Variants in MOK observed in about 807,000 individuals in gnomAD.
MOK encodes MAPK/MAK/MRK overlapping kinase.
Under a neutral mutation model 54.2 loss-of-function variants are expected in MOK, and 59 were observed. The observed-to-expected ratio is 1.09, with a 90% CI of 0.88 to 1.35. The LOEUF (loss-of-function observed/expected upper bound fraction) is 1.35. MOK is among the 40% of genes most tolerant of loss of function. The pLI is 0.00. For synonymous variants in MOK, 210 were observed against 202.7 expected (o/e 1.04, Z -0.31); for missense variants, 517 against 526.2 (o/e 0.98, Z 0.17).
intron 7 of MOK, among the ~76,000 whole-genome samples, chr14:102,244,474 C>A (rs1481686616): frequency 2.0e-5 from 3 of 152,204 alleles, no homozygotes; most frequent in Non-Finnish European, 4.4e-5. Flanking sequence ...TCCTTTCCAT[C>A]ATGGAAATCT....
At chr14:102,216,866 G>C in the MOK span, among the ~76,000 whole-genome samples, 1 of 152,210 alleles carries the variant, frequency 6.6e-6, no homozygotes, top group Non-Finnish European at 1.5e-5. Flanking sequence ...CCAGGAGGTG[G>C]AGGTTGCAAT....
chr14:102,261,040 G>A (rs962124953), intron 4 of MOK, among the ~76,000 whole-genome samples: 6 of 151,934 alleles, frequency 3.9e-5, no homozygotes, highest in Non-Finnish European at 5.9e-5. Flanking sequence ...GGCAGATCAC[G>A]ACGTCAAGAG....
chr14:102,274,209 G>A (rs910872180), intron 2 of MOK, among the ~76,000 whole-genome samples: 14 of 150,478 alleles, frequency 9.3e-5, no homozygotes, highest in African/African-American at 2.2e-4. Flanking sequence ...TGCCCGCCTC[G>A]GCCTCCCAAA....
At chr14:102,282,069 A>G (rs2069500193) in intron 2 of MOK, among the ~76,000 whole-genome samples, 1 of 152,180 alleles carries the variant, frequency 6.6e-6, no homozygotes, top group Admixed American at 6.5e-5. Context: ...ATCCTCATAT[A>G]TGAAACAAGG....
intron 4 of MOK, among the ~76,000 whole-genome samples, chr14:102,257,065 A>G (rs546707989): frequency 7.9e-5 from 12 of 151,254 alleles, no homozygotes; most frequent in Non-Finnish European, 1.5e-4. Context: ...GCACACCCGC[A>G]GATTGGCTTG....
intron 2 of MOK, among the ~76,000 whole-genome samples, chr14:102,270,736 CAGCCCTATTTAATAAAAT>C (rs1432284113): frequency 1.1e-4 from 17 of 152,098 alleles, no homozygotes; most frequent in South Asian, 2.1e-4. Flanking sequence ...GAAATTGAAA[CAGCCCTATTTAATAAAAT>C]AGCCCTATTT....
intron 4 of MOK, 120 bp from the exon 5 acceptor site, chr14:102,252,115 T>A (rs2066579521): frequency 1.5e-6 from 1 of 651,924 alleles, no homozygotes; most frequent in African/African-American, 1.8e-5. Flanking sequence ...CTGTAAAAAA[T>A]AATCTGAAGT....
At chr14:102,251,445 T>C (rs2066520553) in intron 6 of MOK, 4 of 462,936 alleles carry the variant, frequency 8.6e-6, no homozygotes, top group Non-Finnish European at 1.6e-5. Flanking sequence ...GAGACGGACC[T>C]GAGCTCAAAT....
At chr14:102,229,866 A>C (rs1035686869) in intron 10 of MOK, 9 of 575,068 alleles carry the variant, frequency 1.6e-5, no homozygotes, top group African/African-American at 1.5e-4. Flanking sequence ...CTTCAGGGGG[A>C]ACCTGAAGAA....
At chr14:102,293,772 T>A (rs1301225746) in intron 1 of MOK, among the ~76,000 whole-genome samples, 1 of 150,768 alleles carries the variant, frequency 6.6e-6, no homozygotes, top group African/African-American at 2.4e-5. Flanking sequence ...AAATATGTAA[T>A]TTTTTTAATG....
At chr14:102,291,968 AAACT>A (rs2070804487) in intron 1 of MOK, among the ~76,000 whole-genome samples, 1 of 151,658 alleles carries the variant, frequency 6.6e-6, no homozygotes, top group Admixed American at 6.6e-5. Flanking sequence ...AAAAAAAAAA[AAACT>A]AACAATAATA....
intron 4 of MOK, among the ~76,000 whole-genome samples, chr14:102,263,131 G>T (rs1376756166): frequency 2.0e-5 from 3 of 152,262 alleles, no homozygotes; most frequent in Non-Finnish European, 4.4e-5. Context: ...TCCCTCACAT[G>T]CAGGGCAGTA....
At chr14:102,304,820 G>A in intron 1 of MOK, 142 bp downstream of exon 1, 2 of 891,522 alleles carry the variant, frequency 2.2e-6, no homozygotes, top group Non-Finnish European at 3.4e-6. Context: ...CCCACATGCG[G>A]AGCCTCCCGG....
At chr14:102,304,245 A>G (rs1178745708) in intron 1 of MOK, among the ~76,000 whole-genome samples, 1 of 152,206 alleles carries the variant, frequency 6.6e-6, no homozygotes, top group Non-Finnish European at 1.5e-5. Flanking sequence ...CTGGTTCACA[A>G]CCATAAACAA....
chr14:102,294,602 G>A (rs1567246164), intron 1 of MOK, among the ~76,000 whole-genome samples: 1 of 151,966 alleles, frequency 6.6e-6, no homozygotes, highest in Non-Finnish European at 1.5e-5. Flanking sequence ...GTGACAGACA[G>A]CGAGAGACCT....
In MOK at chr14:102,254,493, T is replaced by C. The variant is rs141417173; in HGVS notation, c.284-2498A>G. Among the ~76,000 whole-genome samples, 869 of 152,312 alleles carry C rather than the reference T, an allele frequency of 5.7e-3. 14 individuals carry two copies. Among genetic ancestry groups the C allele is most frequent in the African/African-American group, 0.02 (823 of 41,564 alleles). On this transcript the variant is annotated intron_variant, in intron 4 of 11. Coordinates refer to ENST00000361847, the MANE Select transcript of MOK (RefSeq NM_014226.3). ...ATTTGCCTTCACACACGCAGCAGAA[T>C]GAAGCTGCTGGAATTTCATCTCATC...
At position 102,249,836 on chromosome 14, in the gene MOK, T is replaced by C. The variant is rs371366309; in HGVS notation, c.590+976A>G. Among the ~76,000 whole-genome samples, 2 of 152,342 alleles carry C rather than the reference T, an allele frequency of 1.3e-5. No individual in the cohort carries two copies. The highest frequency in any genetic ancestry group is 4.8e-5 in the African/African-American group (2 of 41,584). ...TCTATTCCAGAAAATGGCAGGCTCT[T>C]GTGACTAAAGGAGAGAGGAGGAAAT... On this transcript the variant is annotated intron_variant, in intron 7 of 11. Coordinates refer to ENST00000361847, the MANE Select transcript of MOK (RefSeq NM_014226.3). This position sits in a 1 kb window ranked among gnomAD's most constrained non-coding sequence, Gnocchi z 5.3.
downstream of MOK, among the ~76,000 whole-genome samples, chr14:102,220,959 G>A (rs142655234): frequency 1.3e-5 from 2 of 152,276 alleles, no homozygotes; most frequent in African/African-American, 4.8e-5. This position sits in a 1 kb window ranked among gnomAD's most constrained non-coding sequence, Gnocchi z 4.2. Flanking sequence ...TAGAGATGGA[G>A]TTTCACCATG....
intron 2 of MOK, chr14:102,278,468 T>G (rs34839542): frequency 4.2e-4 from 108 of 255,812 alleles, no homozygotes; most frequent in Admixed American, 1.1e-3. Flanking sequence ...ACTTTTTGTT[T>G]TTGTAAAAGT....
Sources: allele counts gnomAD v4.1 joint callset (sites outside exome capture counted in the v4.1 genomes callset), GRCh38; gene constraint gnomAD v4.1.1; non-coding constraint Gnocchi (gnomAD v3.1); transcripts MANE v1.5; gene names NCBI Gene and HGNC (gene_info 2026-07-23, HGNC 2026-07-21).